The following SOX5 variants were observed in gnomAD, a reference collection of about 807,000 sequenced individuals.
The protein encoded by SOX5 is transcription factor SOX-5.
In SOX5, 9 loss-of-function variants were observed where a neutral mutation model predicts 92.0. The observed-to-expected ratio is 0.10, with a 90% CI of 0.06 to 0.17. The LOEUF is 0.17. Among genes scored for constraint, SOX5 ranks in the 10% least tolerant of loss-of-function variants. The pLI, the probability that SOX5 is intolerant of heterozygous loss-of-function variation, is 1.00. For synonymous variants in SOX5, 344 were observed against 336.3 expected (o/e 1.02, Z -0.25); for missense variants, 642 against 944.5 (o/e 0.68, Z 4.20).
At chr12:24,037,332 C>T (rs1361426837) in intron 4 of SOX5, among the ~76,000 whole-genome samples, 5 of 152,090 alleles carry the variant, frequency 3.3e-5, no homozygotes, top group Non-Finnish European at 7.3e-5. Flanking sequence ...CCCCTTGGAG[C>T]CTATTTCTTG....
At chr12:24,149,171 C>A (rs1325307656) in intron 4 of SOX5, among the ~76,000 whole-genome samples, 2 of 151,862 alleles carry the variant, frequency 1.3e-5, no homozygotes, top group East Asian at 1.9e-4. Flanking sequence ...TTGGGTGAGG[C>A]AAATATTGCT....
At chr12:24,473,933 CA>C (rs1945079700) in intron 1 of SOX5, among the ~76,000 whole-genome samples, 1 of 152,026 alleles carries the variant, frequency 6.6e-6, no homozygotes, top group African/African-American at 2.4e-5. Context: ...CAATGCTCAG[CA>C]AAACTAGAAA....
intron 2 of SOX5, among the ~76,000 whole-genome samples, chr12:24,345,744 C>A (rs1180342126): frequency 6.6e-6 from 1 of 152,112 alleles, no homozygotes; most frequent in Non-Finnish European, 1.5e-5. Context: ...CATGTTATTT[C>A]TTTTTAGTAG....
Position 23,604,727 on chromosome 12 carries a change from T to C in SOX5, c.1018-194A>G, listed in dbSNP as rs945516660. On this transcript the variant is annotated intron_variant, in intron 8 of 14. Transcript: ENST00000451604. ...TAGGGGAGAAATGACAGATACTACA[T>C]ATAAGTGATCTCACCTTCAGTATGT... Among the ~76,000 whole-genome samples the C allele has an allele frequency of 2.6e-5, 4 of 152,298 alleles. No homozygotes were observed. In the South Asian group the frequency reaches 6.2e-4, roughly 24 times the overall value.
At chr12:24,531,701 C>T (rs1331781318) in intron 1 of SOX5, among the ~76,000 whole-genome samples, 1 of 152,168 alleles carries the variant, frequency 6.6e-6, no homozygotes, top group South Asian at 2.1e-4. Context: ...GTTACTTGAG[C>T]TCCACAATTT....
upstream of SOX5, among the ~76,000 whole-genome samples, chr12:23,951,759 G>C (rs1361988654): frequency 6.6e-6 from 1 of 152,066 alleles, no homozygotes; most frequent in Non-Finnish European, 1.5e-5. Context: ...TGAAAAAGCT[G>C]TTAACAAGGG....
intron 3 of SOX5, among the ~76,000 whole-genome samples, chr12:23,833,381 A>G (rs995866167): frequency 6.6e-6 from 1 of 152,002 alleles, no homozygotes. Flanking sequence ...TTACCTAGAA[A>G]AGGGTGCTTG....
At chr12:24,547,067 A>G (rs1952691968) in intron 1 of SOX5, among the ~76,000 whole-genome samples, 1 of 152,262 alleles carries the variant, frequency 6.6e-6, no homozygotes, top group Non-Finnish European at 1.5e-5. Flanking sequence ...CAACAAAAAA[A>G]GAAATTATAT....
chr12:23,553,850 C>T (rs1944656554), intron 11 of SOX5, among the ~76,000 whole-genome samples: 1 of 152,040 alleles, frequency 6.6e-6, no homozygotes, highest in African/African-American at 2.4e-5. Context: ...GCTACAGAAA[C>T]ATATAGGATT....
chr12:23,583,974 G>A lies in SOX5; in HGVS notation c.1165-8136C>T, dbSNP rs367929265. Among the ~76,000 whole-genome samples, 52 of 152,176 alleles carry A rather than the reference G, an allele frequency of 3.4e-4. No homozygotes were observed. In the South Asian group the frequency reaches 5.6e-3, roughly 16 times the overall value. On this transcript the variant is annotated intron_variant, in intron 9 of 14. Coordinates refer to ENST00000451604, the MANE Select transcript of SOX5 (RefSeq NM_006940.6). ...AAAACAGGAGCTCACAGAGCAATAC[G>A]ACTTTATAAAACAAAGAAATAGAAG...
At chr12:24,338,335 G>A (rs79117519) in intron 2 of SOX5, among the ~76,000 whole-genome samples, 10,839 of 152,190 alleles carry the variant, frequency 0.071, 515 homozygotes, top group Middle Eastern at 0.17. Flanking sequence ...CTAAAAGGCT[G>A]AGATACCTGT....
intron 4 of SOX5, among the ~76,000 whole-genome samples, chr12:24,026,051 T>C (rs1195536899): frequency 6.6e-6 from 1 of 152,078 alleles, no homozygotes; most frequent in South Asian, 2.1e-4. Flanking sequence ...ATGACCAGAC[T>C]TAACATAGCT....
At chr12:23,910,838 A>T (rs930971882) in intron 1 of SOX5, among the ~76,000 whole-genome samples, 2 of 152,042 alleles carry the variant, frequency 1.3e-5, no homozygotes, top group Non-Finnish European at 2.9e-5. Context: ...ATTCAACATA[A>T]AATGTATATT....
chr12:23,565,524 G>C (rs1439186456), intron 10 of SOX5, among the ~76,000 whole-genome samples: 1 of 152,130 alleles, frequency 6.6e-6, no homozygotes, highest in Non-Finnish European at 1.5e-5. Context: ...CTGAATAAAA[G>C]CATGAATTCT....
intron 4 of SOX5, among the ~76,000 whole-genome samples, chr12:24,186,302 T>C (rs1357323360): frequency 6.6e-6 from 1 of 152,044 alleles, no homozygotes; most frequent in Non-Finnish European, 1.5e-5. Flanking sequence ...ATGAGTAAAT[T>C]AGAGAAGAAC....
intron 2 of SOX5, among the ~76,000 whole-genome samples, chr12:23,891,438 A>C (rs939926750): frequency 2.0e-5 from 3 of 152,206 alleles, no homozygotes; most frequent in Admixed American, 6.5e-5. Context: ...TTTTATACTG[A>C]AAGCATTTCT....
chr12:24,157,945 T>C (rs143269362), intron 4 of SOX5, among the ~76,000 whole-genome samples: 2 of 152,170 alleles, frequency 1.3e-5, no homozygotes, highest in African/African-American at 4.8e-5. Flanking sequence ...AGGTAGTATA[T>C]AGGATTCTGT....
intron 9 of SOX5, among the ~76,000 whole-genome samples, chr12:23,601,781 T>C (rs2074526821): frequency 6.6e-6 from 1 of 152,186 alleles, no homozygotes; most frequent in Non-Finnish European, 1.5e-5. Flanking sequence ...ATGTTCTTCA[T>C]TAAAATGACA....
chr12:24,460,014 G>A (rs1943449004), intron 1 of SOX5, among the ~76,000 whole-genome samples: 1 of 152,146 alleles, frequency 6.6e-6, no homozygotes, highest in South Asian at 2.1e-4. Context: ...AGTTCACGAA[G>A]TGAGCAAGAA....
Sources: gnomAD v4.1 joint callset for allele counts (sites outside exome capture counted in the v4.1 genomes callset) on GRCh38, gnomAD v4.1.1 for gene constraint, MANE v1.5 for transcripts, NCBI Gene and HGNC (gene_info 2026-07-23, HGNC 2026-07-21) for gene names.